Variants in N4BP2 observed in about 807,000 individuals in gnomAD.
The protein encoded by N4BP2 is NEDD4 binding protein 2.
N4BP2 carries 91 observed loss-of-function variants against 152.8 expected under a neutral mutation model. That is an observed-to-expected ratio of 0.60 (90% CI 0.50 to 0.71). The LOEUF is 0.71. Among genes scored for constraint, N4BP2 ranks in the 30% least tolerant of loss-of-function variants. N4BP2 has a pLI of 0.00. For missense variants in N4BP2, 1,923 were observed against 2,059.1 expected (o/e 0.93, Z 1.28); for synonymous variants, 646 against 705.3 (o/e 0.92, Z 1.33).
chr4:40,142,929 G>T, intron 15 of N4BP2, 68 bp downstream of exon 15: 1 of 1,317,268 alleles, frequency 7.6e-7, no homozygotes. Context: ...AAGCAGATAA[G>T]ACACCCATAT....
intron 16 of N4BP2, among the ~76,000 whole-genome samples, chr4:40,151,573 A>G (rs7699729): frequency 0.064 from 9,794 of 152,246 alleles, 397 homozygotes; most frequent in Non-Finnish European, 0.085. Context: ...TCCCTGGCCA[A>G]TGTAAAACTT....
intron 16 of N4BP2, among the ~76,000 whole-genome samples, chr4:40,146,955 G>C (rs1463266950): frequency 2.8e-5 from 4 of 142,210 alleles, no homozygotes; most frequent in African/African-American, 5.3e-5. Flanking sequence ...GGTGTTTCTC[G>C]CAGAGGGGGA....
At position 40,131,198 on chromosome 4, in the gene N4BP2, A is replaced by G. The variant is rs149653081; in HGVS notation, c.4528-603A>G. On this transcript the variant is annotated intron_variant, in intron 12 of 17. Transcript: ENST00000261435. ...GAGGACCCATGGGGAAATTTCTCTC[A>G]GGTCTCAGTACCAGAAAAAGCTGTA... is the stretch of plus-strand genomic sequence containing the variant. Among the ~76,000 whole-genome samples the G allele has an allele frequency of 2.4e-3, 361 of 152,314 alleles. 1 individual carries two copies. Among genetic ancestry groups the G allele is most frequent in the African/African-American group, 8.2e-3 (342 of 41,572 alleles).
chr4:40,119,291 C>T (rs766274512), intron 8 of N4BP2, among the ~76,000 whole-genome samples: 3 of 152,032 alleles, frequency 2.0e-5, no homozygotes, highest in Non-Finnish European at 4.4e-5. Context: ...GTTGGGACTT[C>T]GAGCACTCCT....
chr4:40,144,729 T>C lies in N4BP2; in HGVS notation c.5072T>C (p.Leu1691Ser), dbSNP rs1262027370. The C allele has an allele frequency of 2.5e-6, 4 of 1,614,180 alleles. No homozygotes were observed. The highest frequency in any genetic ancestry group is 3.4e-6 in the Non-Finnish European group (4 of 1,180,022). Residue 1691 changes from leucine to serine, a missense_variant, in exon 16 of 18, where the codon TTA (leucine) becomes TCA (serine). Transcript: ENST00000261435. The part of the protein sequence containing the change: ...VNASLLPQNV[L>S]DLHGLHVDEA... ...GCTTCGCTGCTGCCACAGAATGTTT[T>C]AGACCTCCATGGGCTGCATGTGGAT... is the stretch of plus-strand genomic sequence containing the variant.
the N4BP2 span, among the ~76,000 whole-genome samples, chr4:40,187,493 AT>A: frequency 0.22 from 33,022 of 151,920 alleles, 3,812 homozygotes; most frequent in Middle Eastern, 0.25. Flanking sequence ...AAATTGTTCT[AT>A]TTTTTTGTAG....
the N4BP2 span, among the ~76,000 whole-genome samples, chr4:40,174,806 C>T: frequency 2.0e-5 from 3 of 149,428 alleles, no homozygotes; most frequent in Admixed American, 6.7e-5. Flanking sequence ...TGTCACAAAA[C>T]AAACAAAACT....
intron 1 of N4BP2, among the ~76,000 whole-genome samples, chr4:40,057,995 C>G (rs1035716598): frequency 2.6e-5 from 4 of 152,112 alleles, no homozygotes; most frequent in Non-Finnish European, 5.9e-5. Context: ...TTTTTCTACT[C>G]GACATCTTTG....
chr4:40,170,256 C>A, the N4BP2 span, among the ~76,000 whole-genome samples: 1 of 151,998 alleles, frequency 6.6e-6, no homozygotes, highest in African/African-American at 2.4e-5. Flanking sequence ...ACTTAAGAGT[C>A]CATTGTGGTA....
At chr4:40,175,511 ATGTAT>A in the N4BP2 span, among the ~76,000 whole-genome samples, 11 of 152,204 alleles carry the variant, frequency 7.2e-5, 1 homozygote, top group East Asian at 2.1e-3. Flanking sequence ...GGTAATAATA[ATGTAT>A]TGTATTCAAA....
At chr4:40,168,811 A>C in the N4BP2 span, among the ~76,000 whole-genome samples, 2 of 151,154 alleles carry the variant, frequency 1.3e-5, no homozygotes, top group African/African-American at 4.9e-5. Flanking sequence ...TGCAACCTCC[A>C]CCTCCCTGGG....
intron 11 of N4BP2, among the ~76,000 whole-genome samples, chr4:40,124,855 A>G (rs1370018285): frequency 6.6e-6 from 1 of 152,168 alleles, no homozygotes; most frequent in East Asian, 1.9e-4. Context: ...TTGATCAAGA[A>G]CATCATTGAA....
At position 40,121,925 on chromosome 4, in the gene N4BP2, A is replaced by G. The variant is rs1387016013; in HGVS notation, c.3814A>G (p.Thr1272Ala). 2.5e-6 allele frequency: 4 copies of G among 1,590,544 alleles called. No individual in the cohort carries two copies. The African/African-American group carries it at 4.1e-5, about 16-fold the overall frequency. Residue 1272 changes from threonine to alanine, a missense_variant, in exon 9 of 18, where the codon ACA (threonine) becomes GCA (alanine). Transcript: ENST00000261435. ...TGAAACAGAAAAAAACCTAGTAGTC[A>G]CAGAGACTGGAGACAACATACATTC... Reference protein sequence around the residue: ...MSETEKNLVVTETGDNIHSPS... With the variant: ...MSETEKNLVVAETGDNIHSPS...
chr4:40,171,047 A>G, the N4BP2 span, among the ~76,000 whole-genome samples: 2 of 152,176 alleles, frequency 1.3e-5, no homozygotes, highest in African/African-American at 4.8e-5. Context: ...ATTGGTGTAT[A>G]TTTTATTTAG....
rs1421869367 is a variant in N4BP2, at chr4:40,156,745, A to T, written c.*2508A>T. ...AGTATCCCTAATGAGAAAATTCAAAATCTGAAATGCTTCAAAATCTGAAAT... is the reference window on the plus strand; with the variant it reads ...AGTATCCCTAATGAGAAAATTCAAATTCTGAAATGCTTCAAAATCTGAAAT... On this transcript the variant is annotated 3_prime_UTR_variant, in exon 18 of 18. Transcript: ENST00000261435. The T allele has an allele frequency of 1.3e-5, 2 of 152,148 alleles. No individual in the cohort carries two copies. Among genetic ancestry groups the T allele is most frequent in the Non-Finnish European group, 2.9e-5 (2 of 67,990 alleles). 9.4% of individuals were successfully genotyped at this position (152,148 alleles called of 1,614,324 possible).
intron 2 of N4BP2, among the ~76,000 whole-genome samples, chr4:40,079,662 C>A (rs1713154509): frequency 6.6e-6 from 1 of 152,070 alleles, no homozygotes; most frequent in South Asian, 2.1e-4. Flanking sequence ...TTAAAATTAG[C>A]TGAGTGACAT....
At chr4:40,065,608 G>A (rs1292480371) in intron 1 of N4BP2, among the ~76,000 whole-genome samples, 1 of 152,138 alleles carries the variant, frequency 6.6e-6, no homozygotes, top group Admixed American at 6.6e-5. Flanking sequence ...ACAGAAAAAA[G>A]TTGAAACAAC....
intron 2 of N4BP2, among the ~76,000 whole-genome samples, chr4:40,076,402 G>T (rs1003995527): frequency 2.6e-5 from 4 of 152,044 alleles, no homozygotes; most frequent in Non-Finnish European, 5.9e-5. Context: ...CTTGAACCTG[G>T]GAGGCAGAGG....
At chr4:40,173,709 T>G in the N4BP2 span, among the ~76,000 whole-genome samples, 1 of 152,186 alleles carries the variant, frequency 6.6e-6, no homozygotes, top group Non-Finnish European at 1.5e-5. Flanking sequence ...ACAGTCAAAG[T>G]CAAACTGTGT....
Sources: gnomAD v4.1 joint callset for allele counts (sites outside exome capture counted in the v4.1 genomes callset) on GRCh38, gnomAD v4.1.1 for gene constraint, MANE v1.5 for transcripts, NCBI Gene and HGNC (gene_info 2026-07-23, HGNC 2026-07-21) for gene names.